Variants in SPTLC2 observed in about 807,000 individuals in gnomAD.
SPTLC2 encodes serine palmitoyltransferase long chain base subunit 2, also known as serine palmitoyltransferase 2.
Under a neutral mutation model 62.0 loss-of-function variants are expected in SPTLC2, and 21 were observed. That is an observed-to-expected ratio of 0.34 (90% CI 0.24 to 0.49). The LOEUF is 0.49. Ranked by LOEUF, SPTLC2 falls within the 20% of genes least tolerant of loss-of-function variation. The pLI is 0.99. For synonymous variants in SPTLC2, 261 were observed against 261.8 expected (o/e 1.00, Z 0.03); for missense variants, 511 against 713.0 (o/e 0.72, Z 3.23).
intron 11 of SPTLC2, among the ~76,000 whole-genome samples, chr14:77,513,350 G>A (rs533019783): frequency 6.6e-6 from 1 of 152,194 alleles, no homozygotes; most frequent in East Asian, 1.9e-4. Context: ...ATCAGTGTTT[G>A]GAGAGAGAAA....
chr14:77,596,132 T>C (rs2079845690), intron 2 of SPTLC2, among the ~76,000 whole-genome samples: 1 of 151,906 alleles, frequency 6.6e-6, no homozygotes. Context: ...GGTCAGGAGA[T>C]TGAGACCATC....
rs2139987959 is a variant in SPTLC2, at chr14:77,510,587, C to T, written c.*1697G>A. 6.6e-6 allele frequency: 1 copy of T among 152,468 alleles called. No individual in the cohort carries two copies. The highest frequency in any genetic ancestry group is 2.4e-5 in the African/African-American group (1 of 41,548). The allele number at this position is 152,468 out of a possible 1,614,324, so 9.4% of individuals were successfully genotyped here. On this transcript the variant is annotated 3_prime_UTR_variant, in exon 12 of 12. Transcript: ENST00000216484. ...TCCTGGGTTCAAGCGATTCTCCTGC[C>T]TCAGCCTACCAAGTAGGTGGGATTA...
intron 2 of SPTLC2, among the ~76,000 whole-genome samples, chr14:77,595,047 G>A (rs900263689): frequency 6.6e-6 from 1 of 152,040 alleles, no homozygotes; most frequent in Non-Finnish European, 1.5e-5. Flanking sequence ...ACATGCTCAG[G>A]GGGAGAAGGG....
Position 77,572,168 on chromosome 14 carries a change from C to T in SPTLC2, c.632-1660G>A, listed in dbSNP as rs115288045. 4.5e-3 allele frequency among the ~76,000 whole-genome samples: 686 copies of T among 152,310 alleles called. 7 individuals are homozygous for T. Among genetic ancestry groups the T allele is most frequent in the African/African-American group, 0.016 (666 of 41,564 alleles). Reference sequence around the variant, plus strand: ...TCGCCACTGCACAATGCTCCTTTAACCACAGGATTAGATCACAAGGCTTGT... The same window carrying T: ...TCGCCACTGCACAATGCTCCTTTAATCACAGGATTAGATCACAAGGCTTGT... On this transcript the variant is annotated intron_variant, in intron 4 of 11. Coordinates refer to ENST00000216484, the MANE Select transcript of SPTLC2 (RefSeq NM_004863.4).
At chr14:77,556,065 G>A (rs915981522) in intron 7 of SPTLC2, among the ~76,000 whole-genome samples, 2 of 151,734 alleles carry the variant, frequency 1.3e-5, no homozygotes, top group Admixed American at 6.6e-5. Context: ...GCTCACACCT[G>A]TAATCCCAGC....
intron 7 of SPTLC2, among the ~76,000 whole-genome samples, chr14:77,555,765 G>A (rs2079580151): frequency 6.6e-6 from 1 of 151,826 alleles, no homozygotes; most frequent in Non-Finnish European, 1.5e-5. Context: ...AGAGGTGCCC[G>A]CCACCACCAC....
At position 77,529,409 on chromosome 14, in the gene SPTLC2, G is replaced by A. The variant is rs561295003; in HGVS notation, c.1304-7828C>T. Among the ~76,000 whole-genome samples the A allele has an allele frequency of 4.7e-4, 71 of 151,024 alleles. 1 individual carries two copies. In the South Asian group the frequency reaches 0.015, roughly 31 times the overall value. ...GTGTCTCTATTGAAATCTAAAACTG[G>A]AACTTATATCTTAAAGACCTCTTAC... On this transcript the variant is annotated intron_variant, in intron 9 of 11. Transcript: ENST00000216484.
chr14:77,591,318 G>A (rs2079815228), intron 2 of SPTLC2, among the ~76,000 whole-genome samples: 2 of 152,328 alleles, frequency 1.3e-5, no homozygotes, highest in African/African-American at 4.8e-5. Flanking sequence ...TGGCTGCCGA[G>A]GGTGGGGAGG....
chr14:77,540,205 C>CAAAAAAAAAA (rs34847653), intron 9 of SPTLC2, among the ~76,000 whole-genome samples: 1 of 87,678 alleles, frequency 1.1e-5, no homozygotes, highest in Non-Finnish European at 2.3e-5. Context: ...ACTCTTGTCT[C>CAAAAAAAAAA]AAAAAAAAAA....
At chr14:77,549,719 G>C (rs1483350457) in intron 9 of SPTLC2, among the ~76,000 whole-genome samples, 1 of 152,136 alleles carries the variant, frequency 6.6e-6, no homozygotes, top group Non-Finnish European at 1.5e-5. Flanking sequence ...CTAAGCTTTG[G>C]GGGTGGCTAG....
At chr14:77,545,087 C>T (rs948304861) in intron 9 of SPTLC2, among the ~76,000 whole-genome samples, 1 of 151,960 alleles carries the variant, frequency 6.6e-6, no homozygotes, top group Non-Finnish European at 1.5e-5. Flanking sequence ...TATCATGTTT[C>T]ACAAGTGACA....
intron 9 of SPTLC2, among the ~76,000 whole-genome samples, chr14:77,532,210 G>C (rs2079444257): frequency 6.6e-6 from 1 of 152,208 alleles, no homozygotes; most frequent in Admixed American, 6.5e-5. Context: ...GATGGGGTAA[G>C]TGTTAGGAAA....
At chr14:77,552,675 G>A (rs769643201) in intron 8 of SPTLC2, among the ~76,000 whole-genome samples, 2 of 151,706 alleles carry the variant, frequency 1.3e-5, no homozygotes, top group Admixed American at 6.6e-5. Context: ...GCGTGGAGGC[G>A]GGCACCTATA....
intron 2 of SPTLC2, among the ~76,000 whole-genome samples, chr14:77,585,640 C>T (rs555226004): frequency 6.6e-6 from 1 of 152,280 alleles, no homozygotes; most frequent in South Asian, 2.1e-4. Flanking sequence ...TTGACCTATG[C>T]ATCCAGTGCA....
At position 77,508,264 on chromosome 14, in the gene SPTLC2, G is replaced by T. The variant is rs1446890718; in HGVS notation, c.*4020C>A. ...TTCATAATCTTCATGAATGTGGACA[G>T]TTTGAAGGAAAACCACTACTCTCAC... On this transcript the variant is annotated 3_prime_UTR_variant, in exon 12 of 12. Transcript: ENST00000216484. The T allele has an allele frequency of 6.6e-6, 1 of 152,242 alleles. No individual in the cohort carries two copies. The highest frequency in any genetic ancestry group is 2.4e-5 in the African/African-American group (1 of 41,460). The allele number at this position is 152,242 out of a possible 1,614,324, so 9.4% of individuals were successfully genotyped here. A position where few individuals can be genotyped will look rare whatever the true frequency, so the allele number is the denominator to read the frequency against.
chr14:77,606,389 G>GTGTGTA (rs1407937343), intron 1 of SPTLC2, among the ~76,000 whole-genome samples: 1 of 151,964 alleles, frequency 6.6e-6, no homozygotes, highest in Non-Finnish European at 1.5e-5. Flanking sequence ...GTGTGTGTGT[G>GTGTGTA]TGTGTGTGTG....
At position 77,523,400 on chromosome 14, in the gene SPTLC2, GTGGAGAGT is replaced by G. The variant is rs144787869; in HGVS notation, c.1304-1827_1304-1820del. ...CCAGCTGAGGACATCTGAGATTGGA[GTGGAGAGT>G]GGTCAGTTGAGATCAGAGCTGGGGA... On this transcript the variant is annotated intron_variant, in intron 9 of 11. Transcript: ENST00000216484. Among the ~76,000 whole-genome samples, 311 of 152,346 alleles carry G rather than the reference GTGGAGAGT, an allele frequency of 2.0e-3. 6 individuals are homozygous for G. In the East Asian group the frequency reaches 0.052, roughly 25 times the overall value.
chr14:77,583,791 A>G (rs1223512427), intron 2 of SPTLC2, among the ~76,000 whole-genome samples: 3 of 152,190 alleles, frequency 2.0e-5, no homozygotes, highest in African/African-American at 7.2e-5. Flanking sequence ...AATAAATACA[A>G]TATAATAAGT....
intron 9 of SPTLC2, among the ~76,000 whole-genome samples, chr14:77,545,900 A>G (rs1439046800): frequency 6.6e-6 from 1 of 152,184 alleles, no homozygotes; most frequent in Non-Finnish European, 1.5e-5. Context: ...GCAGTGGAAT[A>G]AAAAATAGAC....
Sources: allele counts gnomAD v4.1 joint callset (sites outside exome capture counted in the v4.1 genomes callset), GRCh38; gene constraint gnomAD v4.1.1; transcripts MANE v1.5; gene names NCBI Gene and HGNC (gene_info 2026-07-23, HGNC 2026-07-21).